TAB1: variants seen among roughly 807,000 people sequenced by gnomAD.
TAB1 encodes TGF-beta-activated kinase 1 and MAP3K7-binding protein 1.
In TAB1, 30 loss-of-function variants were observed where a neutral mutation model predicts 54.5. That is an observed-to-expected ratio of 0.55 (90% CI 0.41 to 0.75). The LOEUF is 0.75. Among genes scored for constraint, TAB1 ranks in the 30% least tolerant of loss-of-function variants. The probability of loss-of-function intolerance (pLI) is 0.00; values close to 1 mark genes in which losing one functional copy is unlikely to be tolerated. For missense variants in TAB1, 609 were observed against 683.2 expected (o/e 0.89, Z 1.21); for synonymous variants, 289 against 286.9 (o/e 1.01, Z -0.07).
downstream of TAB1, among the ~76,000 whole-genome samples, chr22:39,435,857 C>T (rs763706450): frequency 7.9e-5 from 12 of 152,228 alleles, no homozygotes; most frequent in African/African-American, 1.9e-4. Context: ...CCCAAGACCA[C>T]GTGACCTTTC....
intron 1 of TAB1, among the ~76,000 whole-genome samples, chr22:39,405,872 A>G (rs1003868806): frequency 3.0e-4 from 45 of 152,216 alleles, no homozygotes; most frequent in African/African-American, 1.1e-3. Flanking sequence ...CCCACTTGGT[A>G]GAACCTCCTG....
chr22:39,430,771 T>A lies in TAB1; in HGVS notation c.*549T>A. On this transcript the variant is annotated 3_prime_UTR_variant, in exon 11 of 11. Coordinates refer to ENST00000216160, the MANE Select transcript of TAB1 (RefSeq NM_006116.3). ...CCCTGGACCTGCCTTGGTTGTGTCA[T>A]CTGTTGTAAACGTTCAGGAGGACCA... 9.9e-7 allele frequency: 1 copy of A among 1,006,798 alleles called. No individual in the cohort carries two copies. The highest frequency in any genetic ancestry group is 1.2e-6 in the Non-Finnish European group (1 of 840,834). The allele number at this position is 1,006,798 out of a possible 1,614,324, so 62.4% of individuals were successfully genotyped here. A position where few individuals can be genotyped will look rare whatever the true frequency, so the allele number is the denominator to read the frequency against.
At chr22:39,404,993 C>T (rs965211439) in intron 1 of TAB1, among the ~76,000 whole-genome samples, 2 of 152,204 alleles carry the variant, frequency 1.3e-5, no homozygotes. Context: ...GCTCCGAGCC[C>T]TCTTCCTGGG....
intron 5 of TAB1, among the ~76,000 whole-genome samples, chr22:39,418,169 A>G (rs1043569702): frequency 6.6e-6 from 1 of 152,174 alleles, no homozygotes; most frequent in Non-Finnish European, 1.5e-5. Flanking sequence ...ATAACCAACC[A>G]GTATCCCCAT....
chr22:39,428,237 C>T (rs954856400), intron 10 of TAB1, 54 bp downstream of exon 10: 1 of 1,293,122 alleles, frequency 7.7e-7, no homozygotes. Context: ...CGTGTGTGTC[C>T]TGTGGCACCA....
rs1481231175 is a variant in TAB1 at position 39,419,579 on chromosome 22, G to A, written c.725G>A (p.Arg242Gln). The A allele has an allele frequency of 5.0e-6, 8 of 1,613,062 alleles. No individual in the cohort carries two copies. Among genetic ancestry groups the A allele is most frequent in the Non-Finnish European group, 5.1e-6 (6 of 1,179,488 alleles). Residue 242 changes from arginine to glutamine, a missense_variant, in exon 7 of 11, where the codon CGG becomes CAG. Physicochemically the swap from Arg to Gln is conservative, Grantham distance 43. Transcript: ENST00000216160. ...GIICGQESTR[R>Q]IGDYKVKYGY... Reference sequence around the variant, plus strand: ...ATCTGTGGGCAGGAGAGCACCCGGCGGATCGGGGATTACAAGGTTAAATAT... The same window carrying A: ...ATCTGTGGGCAGGAGAGCACCCGGCAGATCGGGGATTACAAGGTTAAATAT...
At chr22:39,400,272 A>G (rs1456450237) in intron 1 of TAB1, among the ~76,000 whole-genome samples, 1 of 152,194 alleles carries the variant, frequency 6.6e-6, no homozygotes. Context: ...CAGCCCCCTG[A>G]GATAGGTGCT....
rs376706024 is a variant in TAB1 at position 39,416,837 on chromosome 22, C to G, written c.371C>G (p.Ala124Gly). The change falls in exon 4 of 11, where the codon GCC becomes GGC. Residue 124 changes from alanine (A) to glycine (G), a missense_variant. Transcript: ENST00000216160. ...AGCTTCCTGGAGTCCATTGACGACGCCTTGGCTGAGAAGGCAAGCCTCCAG... is the reference window on the plus strand; with the variant it reads ...AGCTTCCTGGAGTCCATTGACGACGGCTTGGCTGAGAAGGCAAGCCTCCAG... ...ERSFLESIDD[A>G]LAEKASLQSQ... The G allele has an allele frequency of 6.2e-7, 1 of 1,614,116 alleles. No homozygotes were observed. Among genetic ancestry groups the G allele is most frequent in the Non-Finnish European group, 8.5e-7 (1 of 1,180,056 alleles).
intron 1 of TAB1, among the ~76,000 whole-genome samples, chr22:39,412,454 A>G (rs752495669): frequency 6.6e-6 from 1 of 152,086 alleles, no homozygotes; most frequent in Non-Finnish European, 1.5e-5. Flanking sequence ...GAGTGGTGGT[A>G]GTTACACACA....
downstream of TAB1, chr22:39,432,661 A>C: frequency 1.3e-6 from 1 of 753,530 alleles, no homozygotes; most frequent in South Asian, 6.1e-5. Context: ...AGAGAGAGAC[A>C]TGGTGAGTAA....
At chr22:39,432,643 C>A, downstream of TAB1, 3 of 641,982 alleles carry the variant, frequency 4.7e-6, no homozygotes, top group Non-Finnish European at 5.8e-6. Flanking sequence ...CCCTGCCACC[C>A]GAGAGAGAGA....
chr22:39,401,728 G>A (rs1230828145), intron 1 of TAB1, among the ~76,000 whole-genome samples: 6 of 152,206 alleles, frequency 3.9e-5, no homozygotes, highest in Non-Finnish European at 8.8e-5. Flanking sequence ...ATTGCATCTT[G>A]GTGCGTGGCA....
chr22:39,433,309 G>T, downstream of TAB1: 1 of 796,274 alleles, frequency 1.3e-6, no homozygotes, highest in Non-Finnish European at 1.5e-6. Context: ...AAGTTAGCCG[G>T]ATGTGGTGGT....
downstream of TAB1, among the ~76,000 whole-genome samples, chr22:39,434,004 C>A (rs1927687919): frequency 6.6e-6 from 1 of 152,160 alleles, no homozygotes; most frequent in Non-Finnish European, 1.5e-5. Flanking sequence ...CCACTAGGTC[C>A]CAGCCAGGCA....
rs370831283 is a variant in TAB1, at chr22:39,415,620, C to G, written c.291C>G (p.His97Gln). 4 of 1,613,008 alleles carry G rather than the reference C, an allele frequency of 2.5e-6. No homozygotes were observed. The Admixed American group carries it at 5.0e-5, about 20-fold the overall frequency. The change falls in exon 3 of 11, where the codon CAC becomes CAG. Residue 97 changes from histidine (H) to glutamine (Q), a missense_variant. Coordinates refer to ENST00000216160, the MANE Select transcript of TAB1 (RefSeq NM_006116.3). The surrounding 1 kb of genome is among the most constrained non-coding windows in gnomAD (Gnocchi z 4.9). ...ELLLGQLNAE[H>Q]AEADVRRVLL... ...TGCTGGGCCAGCTGAATGCCGAGCA[C>G]GCCGAGGCCGATGTGCGGCGTGTGC...
At chr22:39,409,348 A>G (rs921516964) in intron 1 of TAB1, among the ~76,000 whole-genome samples, 2 of 152,208 alleles carry the variant, frequency 1.3e-5, no homozygotes, top group Non-Finnish European at 2.9e-5. Context: ...AAAATATACT[A>G]AGCAGATCTA....
chr22:39,423,895 T>C (rs1425570308), intron 8 of TAB1, among the ~76,000 whole-genome samples: 1 of 151,888 alleles, frequency 6.6e-6, no homozygotes, highest in African/African-American at 2.4e-5. Flanking sequence ...TTTTATAGTG[T>C]ACATTGTAAC....
chr22:39,430,081 C>A lies in TAB1; in HGVS notation c.1374C>A (p.Asp458Glu). ...CGCAGAGCAGCAGCTCCAGCTCTGA[C>A]GGAGGCCTCTTCCGCTCCCGGCCCG... The part of the protein sequence containing the change: ...THTQSSSSSS[D>E]GGLFRSRPAH... The change falls in exon 11 of 11, where the codon GAC becomes GAA. Residue 458 changes from aspartate (D) to glutamate (E), a missense_variant. Asp to Glu is a conservative substitution (Grantham distance 45, BLOSUM62 2). Transcript: ENST00000216160. 3 of 1,614,134 alleles carry A rather than the reference C, an allele frequency of 1.9e-6. No homozygotes were observed. Among genetic ancestry groups the A allele is most frequent in the Non-Finnish European group, 2.5e-6 (3 of 1,180,046 alleles).
At chr22:39,410,577 C>G (rs1202986336) in intron 1 of TAB1, among the ~76,000 whole-genome samples, 1 of 141,294 alleles carries the variant, frequency 7.1e-6, no homozygotes, top group South Asian at 2.2e-4. Flanking sequence ...TTTTTTTTTT[C>G]ATTTCCATTA....
Sources: gnomAD v4.1 joint callset for allele counts (sites outside exome capture counted in the v4.1 genomes callset) on GRCh38, gnomAD v4.1.1 for gene constraint, Gnocchi (gnomAD v3.1) non-coding constraint, MANE v1.5 for transcripts, NCBI Gene and HGNC (gene_info 2026-07-23, HGNC 2026-07-21) for gene names.